The following EPHA10 variants were observed in gnomAD, a reference collection of about 807,000 sequenced individuals.
EPHA10 encodes EPH receptor A10.
EPHA10 carries 120 observed loss-of-function variants against 109.7 expected under a neutral mutation model. The observed-to-expected ratio is 1.09, with a 90% CI of 0.94 to 1.27. EPHA10 has a LOEUF of 1.27. Among genes scored for constraint, EPHA10 ranks in the 50% most tolerant of loss-of-function variants. The pLI, the probability that EPHA10 is intolerant of heterozygous loss-of-function variation, is 0.00. For synonymous variants in EPHA10, 640 were observed against 618.9 expected (o/e 1.03, Z -0.51); for missense variants, 1,396 against 1,411.1 (o/e 0.99, Z 0.17).
chr1:37,753,279 A>C, intron 4 of EPHA10, 53 bp from the exon 5 acceptor site: 1 of 47,784 alleles, frequency 2.1e-5, no homozygotes, highest in Non-Finnish European at 2.6e-5. Flanking sequence ...TGCCCGTGAG[A>C]GGGGCGGGAT....
chr1:37,761,380 C>A, intron 3 of EPHA10, 25 bp downstream of exon 3: 1 of 1,598,526 alleles, frequency 6.3e-7, no homozygotes, highest in South Asian at 1.1e-5. Flanking sequence ...CACTCCCACC[C>A]CACGGCCCCC....
At chr1:37,720,150 T>C (rs1382389670) in intron 13 of EPHA10, 92 bp from the exon 14 acceptor site, 34 of 1,519,834 alleles carry the variant, frequency 2.2e-5, no homozygotes, top group Non-Finnish European at 2.8e-5. Context: ...CTGCATGTCA[T>C]CCTCCCAGGC....
rs567680641 is a variant in EPHA10 at position 37,716,235 on chromosome 1, C to A, written c.*2137G>T. On this transcript the variant is annotated 3_prime_UTR_variant, in exon 17 of 17. Transcript: ENST00000373048. ...CCAACAGGATTCTGGGACCTCACTC[C>A]TCAGTGGAGGGGAGATCTACCCTGG... 3.9e-4 allele frequency: 117 copies of A among 297,906 alleles called. No homozygotes were observed. The South Asian group carries it at 5.6e-3, about 14-fold the overall frequency. 18.5% of individuals were successfully genotyped at this position (297,906 alleles called of 1,614,324 possible).
chr1:37,754,420 CT>C lies in EPHA10; in HGVS notation c.851-51del. The C allele has an allele frequency of 7.9e-7, 1 of 1,268,750 alleles. No homozygotes were observed. Among genetic ancestry groups the C allele is most frequent in the Non-Finnish European group, 1.0e-6 (1 of 1,004,384 alleles). The allele number at this position is 1,268,750 out of a possible 1,614,324, so 78.6% of individuals were successfully genotyped here. A position where few individuals can be genotyped will look rare whatever the true frequency, so the allele number is the denominator to read the frequency against. On this transcript the variant is annotated intron_variant, in intron 3 of 16. Coordinates refer to ENST00000373048, the MANE Select transcript of EPHA10 (RefSeq NM_001099439.2). This position sits in a 1 kb window ranked among gnomAD's most constrained non-coding sequence, Gnocchi z 4.5. ...AGGGGGCTCCTCCAGTTTCTCCCCG[CT>C]TTCCTGACTGGCCTGGTTAGGGCAG...
In EPHA10 at chr1:37,719,409, C is replaced by T. The variant is rs376550997; in HGVS notation, c.2756+5G>A. The T allele has an allele frequency of 4.4e-5, 71 of 1,609,126 alleles. 1 individual carries two copies. In the East Asian group the frequency reaches 5.1e-4, roughly 12 times the overall value. On this transcript the variant is annotated splice_donor_5th_base_variant and intron_variant, in intron 15 of 16. Coordinates refer to ENST00000373048, the MANE Select transcript of EPHA10 (RefSeq NM_001099439.2). The stretch of plus-strand genomic sequence containing the variant: ...AGAGGCTGGCTGTCCCATGTGGGAA[C>T]GTACCTGGGACAGGTAGTCAGGGCA...
intron 5 of EPHA10, among the ~76,000 whole-genome samples, chr1:37,747,549 T>C (rs1426474979): frequency 1.6e-4 from 14 of 89,324 alleles, no homozygotes; most frequent in Non-Finnish European, 2.7e-4. Context: ...AGTGAAACTG[T>C]CTCAAAAAAA....
At position 37,761,403 on chromosome 1, in the gene EPHA10, A is replaced by G. The variant is rs746892028; in HGVS notation, c.850+2T>C. ...CCCCACGGCCCCCAGCCAACTGGAT[A>G]CCTTCGCAGAAGTCACCACGCTCCT... On this transcript the variant is annotated splice_donor_variant, in intron 3 of 16. Transcript: ENST00000373048. LOFTEE classifies it high-confidence loss of function. 1 of 1,598,432 alleles carries G rather than the reference A, an allele frequency of 6.3e-7. No homozygotes were observed. Among genetic ancestry groups the G allele is most frequent in the Non-Finnish European group, 8.5e-7 (1 of 1,179,464 alleles).
chr1:37,762,946 G>T, intron 1 of EPHA10, 97 bp from the exon 2 acceptor site: 1 of 1,183,868 alleles, frequency 8.4e-7, no homozygotes, highest in East Asian at 2.7e-5. Context: ...TTTGCTGAGA[G>T]AATGCAATAT....
Position 37,734,535 on chromosome 1 carries a change from A to AAAAT in EPHA10, c.1491+718_1491+721dup, listed in dbSNP as rs542758154. ...GGTGACAAGAATGAAACTCTGTCTC[A>AAAAT]AAATAAATAAATAAATAAATAAATA... On this transcript the variant is annotated intron_variant, in intron 6 of 16. Coordinates refer to ENST00000373048, the MANE Select transcript of EPHA10 (RefSeq NM_001099439.2). The AAAAT allele has an allele frequency of 5.0e-3, 2,097 of 416,176 alleles. 28 individuals are homozygous for AAAAT. The highest frequency in any genetic ancestry group is 0.035 in the African/African-American group (1,657 of 47,634). 25.8% of individuals were successfully genotyped at this position (416,176 alleles called of 1,614,324 possible).
intron 6 of EPHA10, among the ~76,000 whole-genome samples, chr1:37,732,862 T>C (rs1202598980): frequency 2.0e-5 from 2 of 98,720 alleles, no homozygotes; most frequent in Non-Finnish European, 4.2e-5. Context: ...TTATACTTGT[T>C]CTTTTTTTTT....
At position 37,722,952 on chromosome 1, in the gene EPHA10, G is replaced by C. The variant is rs763523103; in HGVS notation, c.1960+89C>G. The C allele has an allele frequency of 2.5e-6, 4 of 1,593,874 alleles. No homozygotes were observed. In the Admixed American group the frequency reaches 6.7e-5, roughly 27 times the overall value. Reference sequence around the variant, plus strand: ...GAGACCTGGGTGGAGGTGGGCTTCAGGATAGAGGTGTGGACAGAGTAGGGG... The same window carrying C: ...GAGACCTGGGTGGAGGTGGGCTTCACGATAGAGGTGTGGACAGAGTAGGGG... On this transcript the variant is annotated intron_variant, in intron 10 of 16. Transcript: ENST00000373048.
intron 12 of EPHA10, 35 bp from the exon 13 acceptor site, chr1:37,720,589 G>C (rs772325453): frequency 6.3e-7 from 1 of 1,584,478 alleles, no homozygotes; most frequent in Non-Finnish European, 8.6e-7. Flanking sequence ...AGGGCTGTGC[G>C]CTTGGATCCC....
intron 8 of EPHA10, 51 bp from the exon 9 acceptor site, chr1:37,723,423 C>G: frequency 6.3e-7 from 1 of 1,599,530 alleles, no homozygotes; most frequent in Non-Finnish European, 8.5e-7. Flanking sequence ...CCGGCCCTTC[C>G]CATTACAGAG....
chr1:37,756,960 G>A (rs973231663), intron 3 of EPHA10, among the ~76,000 whole-genome samples: 2 of 152,232 alleles, frequency 1.3e-5, no homozygotes, highest in Admixed American at 6.5e-5. Context: ...CCAAGTAGCT[G>A]GAACCACAGG....
chr1:37,714,152 G>C (rs556808139), downstream of EPHA10: 1 of 152,292 alleles, frequency 6.6e-6, no homozygotes, highest in East Asian at 1.9e-4. Context: ...TGGGGGAAGG[G>C]GTCTTATTTA....
chr1:37,735,000 C>T (rs1352205364), intron 6 of EPHA10, among the ~76,000 whole-genome samples: 1 of 152,124 alleles, frequency 6.6e-6, no homozygotes, highest in Non-Finnish European at 1.5e-5. Flanking sequence ...CCAGAGAAAG[C>T]TCTTTGTCAA....
intron 5 of EPHA10, among the ~76,000 whole-genome samples, chr1:37,740,885 C>T (rs536329661): frequency 1.3e-5 from 2 of 152,062 alleles, no homozygotes; most frequent in African/African-American, 4.8e-5. Flanking sequence ...CCAGGGAAAA[C>T]GCATAAAAAG....
chr1:37,721,969 A>G, intron 10 of EPHA10, 124 bp from the exon 11 acceptor site: 2 of 928,228 alleles, frequency 2.2e-6, no homozygotes, highest in South Asian at 4.0e-5. Context: ...AGTCTCTACT[A>G]AAAATACAAA....
Position 37,723,878 on chromosome 1 carries a change from C to T in EPHA10, c.1773-506G>A, listed in dbSNP as rs137998455. ...GATCCAAGGTCATTGTGGAGGGCTTCCTGAGACAGAGGCAGCCACGGGCCA... is the reference window on the plus strand; with the variant it reads ...GATCCAAGGTCATTGTGGAGGGCTTTCTGAGACAGAGGCAGCCACGGGCCA... On this transcript the variant is annotated intron_variant, in intron 8 of 16. Coordinates refer to ENST00000373048, the MANE Select transcript of EPHA10 (RefSeq NM_001099439.2). Among the ~76,000 whole-genome samples the T allele has an allele frequency of 6.6e-3, 1,010 of 152,356 alleles. 4 individuals carry two copies. The highest frequency in any genetic ancestry group is 9.3e-3 in the Non-Finnish European group (630 of 68,030).
Sources: allele counts gnomAD v4.1 joint callset (sites outside exome capture counted in the v4.1 genomes callset), GRCh38; gene constraint gnomAD v4.1.1; non-coding constraint Gnocchi (gnomAD v3.1); transcripts MANE v1.5; gene names NCBI Gene and HGNC (gene_info 2026-07-23, HGNC 2026-07-21).